SF3B1: variants seen among roughly 807,000 people sequenced by gnomAD.
SF3B1 encodes the protein pre-mRNA processing 10.
A neutral mutation model predicts 153.8 loss-of-function variants in SF3B1; 12 were observed. That is an observed-to-expected ratio of 0.08 (90% CI 0.05 to 0.13). SF3B1 has a LOEUF of 0.13. Among genes scored for constraint, SF3B1 ranks in the 10% least tolerant of loss-of-function variants. The probability of loss-of-function intolerance (pLI) is 1.00; values close to 1 mark genes in which losing one functional copy is unlikely to be tolerated. For synonymous variants in SF3B1, 498 were observed against 525.2 expected (o/e 0.95, Z 0.71); for missense variants, 513 against 1,606.1 (o/e 0.32, Z 11.63).
chr2:197,416,325 A>G lies in SF3B1; in HGVS notation c.666+416T>C, dbSNP rs1262515709. Among the ~76,000 whole-genome samples, 18 of 152,318 alleles carry G rather than the reference A, an allele frequency of 1.2e-4. No homozygotes were observed. The East Asian group carries it at 3.5e-3, about 29-fold the overall frequency. On this transcript the variant is annotated intron_variant, in intron 6 of 24. Coordinates refer to ENST00000335508, the MANE Select transcript of SF3B1 (RefSeq NM_012433.4). Reference sequence around the variant, plus strand: ...TTCTAAAAAGAACTTTCCTTATTCCATAATATGGACTAAATTGCATGCCCC... The same window carrying G: ...TTCTAAAAAGAACTTTCCTTATTCCGTAATATGGACTAAATTGCATGCCCC...
chr2:197,434,181 C>T (rs2085485323), intron 1 of SF3B1, among the ~76,000 whole-genome samples: 1 of 152,208 alleles, frequency 6.6e-6, no homozygotes, highest in South Asian at 2.1e-4. Flanking sequence ...GCAGTTCCAA[C>T]TTCTCATGCC....
rs1178885935 is a variant in SF3B1, at chr2:197,392,193, C to G, written c.*110G>C. ...TGCTACTGGATTTCTAGCTCTTCCT[C>G]TATGACCAGTTCTACACTGATCTGC... On this transcript the variant is annotated 3_prime_UTR_variant, in exon 25 of 25. Coordinates refer to ENST00000335508, the MANE Select transcript of SF3B1 (RefSeq NM_012433.4). The G allele has an allele frequency of 6.0e-6, 3 of 500,308 alleles. No individual in the cohort carries two copies. Among genetic ancestry groups the G allele is most frequent in the Non-Finnish European group, 1.1e-5 (3 of 279,122 alleles). 31.0% of individuals were successfully genotyped at this position (500,308 alleles called of 1,614,324 possible).
intron 6 of SF3B1, among the ~76,000 whole-genome samples, chr2:197,412,078 C>A (rs528331099): frequency 4.5e-4 from 67 of 149,770 alleles, no homozygotes; most frequent in African/African-American, 1.6e-3. Flanking sequence ...CCACTGCACT[C>A]CAGCCTGGGT....
intron 6 of SF3B1, among the ~76,000 whole-genome samples, chr2:197,411,594 C>T (rs2085068613): frequency 6.6e-6 from 1 of 151,744 alleles, no homozygotes; most frequent in South Asian, 2.1e-4. Context: ...ATGGTGTGAA[C>T]CCGGGAGGCA....
rs143923700 is a variant in SF3B1 at position 197,400,194 on chromosome 2, G to A, written c.2902-28C>T. The stretch of plus-strand genomic sequence containing the variant: ...ATAATAAAACAAATAATGTTAAAAT[G>A]TTACTATTTACATTAAACTATTTGG... On this transcript the variant is annotated intron_variant, in intron 19 of 24. Transcript: ENST00000335508. The surrounding 1 kb of genome is among the most constrained non-coding windows in gnomAD (Gnocchi z 5.0). 199 of 1,606,190 alleles carry A rather than the reference G, an allele frequency of 1.2e-4. No individual in the cohort carries two copies. In the Middle Eastern group the frequency reaches 1.3e-3, roughly 11 times the overall value.
At chr2:197,429,599 T>C (rs1400541488) in intron 1 of SF3B1, among the ~76,000 whole-genome samples, 2 of 152,008 alleles carry the variant, frequency 1.3e-5, no homozygotes, top group Non-Finnish European at 2.9e-5. Context: ...GTCTGGCCAA[T>C]GTGGTGAAAC....
In SF3B1 at chr2:197,402,215, TATTC is replaced by T; in HGVS notation, c.2078-89_2078-86del. The T allele has an allele frequency of 6.7e-7, 1 of 1,491,140 alleles. No individual in the cohort carries two copies. The highest frequency in any genetic ancestry group is 9.0e-7 in the Non-Finnish European group (1 of 1,109,738). 92.4% of individuals were successfully genotyped at this position (1,491,140 alleles called of 1,614,324 possible). ...ATCCAGATTCTCTCAATATATCAACTATTCAGCCAAACTGCAGAATATGTTCACA... is the reference window on the plus strand; with the variant it reads ...ATCCAGATTCTCTCAATATATCAACTAGCCAAACTGCAGAATATGTTCACA... On this transcript the variant is annotated intron_variant, in intron 14 of 24. Coordinates refer to ENST00000335508, the MANE Select transcript of SF3B1 (RefSeq NM_012433.4). This position sits in a 1 kb window ranked among gnomAD's most constrained non-coding sequence, Gnocchi z 4.6.
intron 9 of SF3B1, among the ~76,000 whole-genome samples, chr2:197,407,606 TA>T (rs143335876): frequency 0.19 from 25,104 of 132,412 alleles, 2,204 homozygotes; most frequent in Middle Eastern, 0.29. Flanking sequence ...CTCCATCTTT[TA>T]AAAAAAAAAA....
intron 2 of SF3B1, among the ~76,000 whole-genome samples, chr2:197,422,898 T>C (rs193119129): frequency 6.6e-6 from 1 of 151,096 alleles, no homozygotes; most frequent in East Asian, 1.9e-4. Context: ...AAAAAACCAG[T>C]TTGATAATCT....
intron 6 of SF3B1, among the ~76,000 whole-genome samples, chr2:197,413,700 T>C (rs1319353465): frequency 6.6e-6 from 1 of 152,156 alleles, no homozygotes; most frequent in Admixed American, 6.5e-5. Context: ...CTCTTTAATA[T>C]ATTTAAAGGT....
At chr2:197,423,616 C>A (rs2085283783) in intron 2 of SF3B1, among the ~76,000 whole-genome samples, 192 bp downstream of exon 2, 1 of 152,116 alleles carries the variant, frequency 6.6e-6, no homozygotes, top group Admixed American at 6.6e-5. Flanking sequence ...CTAGTCTTTA[C>A]CATAAATTCT....
rs559620732 is a variant in SF3B1 at position 197,412,173 on chromosome 2, A to G, written c.667-2166T>C. Among the ~76,000 whole-genome samples, 196 of 151,934 alleles carry G rather than the reference A, an allele frequency of 1.3e-3. 4 individuals are homozygous for G. Among genetic ancestry groups the G allele is most frequent in the Middle Eastern group, 6.8e-3 (2 of 294 alleles). On this transcript the variant is annotated intron_variant, in intron 6 of 24. Transcript: ENST00000335508. ...TGAAAAATTCTGGATTAGGTAAATAAAGCACACAAATTGTTTAAAATCTCC... is the reference window on the plus strand; with the variant it reads ...TGAAAAATTCTGGATTAGGTAAATAGAGCACACAAATTGTTTAAAATCTCC...
Position 197,401,713 on chromosome 2 carries a change from G to T in SF3B1, c.2370+29C>A. 6.3e-7 allele frequency: 1 copy of T among 1,594,928 alleles called. No homozygotes were observed. Among genetic ancestry groups the T allele is most frequent in the Non-Finnish European group, 8.5e-7 (1 of 1,170,586 alleles). ...CTGTTAGAACCATGAAACATATCCAGTTTACATTAACAAATCTGGAATAAT... is the reference window on the plus strand; with the variant it reads ...CTGTTAGAACCATGAAACATATCCATTTTACATTAACAAATCTGGAATAAT... On this transcript the variant is annotated intron_variant, in intron 16 of 24. Coordinates refer to ENST00000335508, the MANE Select transcript of SF3B1 (RefSeq NM_012433.4). This position sits in a 1 kb window ranked among gnomAD's most constrained non-coding sequence, Gnocchi z 4.2.
rs1283112936 is a variant in SF3B1 at position 197,398,453 on chromosome 2, C to G, written c.3134+8G>C. The G allele has an allele frequency of 6.2e-7, 1 of 1,612,426 alleles. No individual in the cohort carries two copies. Among genetic ancestry groups the G allele is most frequent in the Admixed American group, 1.7e-5 (1 of 59,466 alleles). On this transcript the variant is annotated splice_region_variant and intron_variant, in intron 21 of 24. Transcript: ENST00000335508. ...CTGCTTATAAAAATGTGTGGGTAAT[C>G]TGCTTACCTGTCAGCAATACGACCA...
chr2:197,419,945 A>C (rs1353297871), intron 4 of SF3B1: 1 of 222,972 alleles, frequency 4.5e-6, no homozygotes, highest in Admixed American at 5.7e-5. Context: ...CTTCGTATAC[A>C]TACTTTTGTT....
At chr2:197,416,716 AT>A in intron 6 of SF3B1, 24 bp downstream of exon 6, 3 of 1,594,222 alleles carry the variant, frequency 1.9e-6, no homozygotes. Flanking sequence ...TTTAACAGTA[AT>A]AACAAAAAAC....
chr2:197,418,234 C>CA lies in SF3B1; in HGVS notation c.495+274dup, dbSNP rs59644092. The stretch of plus-strand genomic sequence containing the variant: ...CTGGATGACAGAGTGAGACTGTGTC[C>CA]AAAAAAAAAAAAAAAAAAAAAAAAA... On this transcript the variant is annotated intron_variant, in intron 5 of 24. Coordinates refer to ENST00000335508, the MANE Select transcript of SF3B1 (RefSeq NM_012433.4). 8.7e-3 allele frequency among the ~76,000 whole-genome samples: 318 copies of CA among 36,366 alleles called. 42 individuals carry two copies. The highest frequency in any genetic ancestry group is 0.015 in the Admixed American group (30 of 1,948). 23.9% of individuals were successfully genotyped at this position (36,366 alleles called of 152,430 possible).
chr2:197,405,045 A>G (rs767156196), intron 11 of SF3B1, 31 bp downstream of exon 11: 19 of 1,417,604 alleles, frequency 1.3e-5, no homozygotes, highest in Non-Finnish European at 1.6e-5. Context: ...AATAAGCAAC[A>G]AACATGACAA....
intron 23 of SF3B1, 82 bp downstream of exon 23, chr2:197,395,974 G>T: frequency 8.0e-7 from 1 of 1,257,852 alleles, no homozygotes; most frequent in Non-Finnish European, 1.1e-6. Flanking sequence ...ACAGTAAAAA[G>T]TCATCTAATA....
Sources: allele counts gnomAD v4.1 joint callset (sites outside exome capture counted in the v4.1 genomes callset), GRCh38; gene constraint gnomAD v4.1.1; non-coding constraint Gnocchi (gnomAD v3.1); transcripts MANE v1.5; gene names NCBI Gene and HGNC (gene_info 2026-07-23, HGNC 2026-07-21).